XPO5: variants seen among roughly 807,000 people sequenced by gnomAD.
XPO5 encodes the protein exportin-5.
XPO5 carries 46 observed loss-of-function variants against 160.6 expected under a neutral mutation model. The observed-to-expected ratio is 0.29, with a 90% confidence interval of 0.23 to 0.37. The LOEUF (loss-of-function observed/expected upper bound fraction) is 0.37. XPO5 is among the 10% of genes least tolerant of loss of function. The pLI, the probability that XPO5 is intolerant of heterozygous loss-of-function variation, is 1.00. For synonymous variants in XPO5, 537 were observed against 519.3 expected (o/e 1.03, Z -0.46); for missense variants, 1,090 against 1,463.9 (o/e 0.74, Z 4.17).
rs373347390 is a variant in XPO5, at chr6:43,551,334, G to C, written c.1692C>G (p.Thr564=). The C allele has an allele frequency of 1.0e-4, 167 of 1,613,762 alleles. No homozygotes were observed. The highest frequency in any genetic ancestry group is 1.6e-4 in the Middle Eastern group (1 of 6,084). The change falls in exon 15 of 32, where the codon ACC becomes ACG. Residue 564 remains threonine (T), a synonymous_variant. Transcript: ENST00000265351. ...CCTGGGGCAGGAACTCTGGTCTGTA[G>C]GTGACAAATGGAAAGAGTGCAGAGA... ...TNVSALFPFV[T]YRPEFLPQVF...
chr6:43,539,349 C>T lies in XPO5; in HGVS notation c.2343-5342G>A, dbSNP rs1409617115. ...AACGCCTTGAACCTGGTGCGCTGGC[C>T]AGCACGGGTCTGCTTCTGCACTGGC... On this transcript the variant is annotated intron_variant, in intron 20 of 31. Transcript: ENST00000265351. 17 of 1,580,796 alleles carry T rather than the reference C, an allele frequency of 1.1e-5. No individual in the cohort carries two copies. In the East Asian group the frequency reaches 2.2e-4, roughly 21 times the overall value.
At chr6:43,572,679 A>G in intron 2 of XPO5, 101 bp from the exon 3 acceptor site, 1 of 1,232,182 alleles carries the variant, frequency 8.1e-7, no homozygotes, top group Non-Finnish European at 1.2e-6. Context: ...TGGAGATTTC[A>G]TTAAGAAATT....
In XPO5 at chr6:43,570,960, A is replaced by G; in HGVS notation, c.335T>C (p.Ile112Thr). Reference protein sequence around the residue: ...TLNILEEENHIKDALSRIVVE... With the variant: ...TLNILEEENHTKDALSRIVVE... Reference sequence around the variant, plus strand: ...TACAATTCGAGACAGAGCATCTTTAATATGGTTCTCCTCTTCCAAAATGTT... The same window carrying G: ...TACAATTCGAGACAGAGCATCTTTAGTATGGTTCTCCTCTTCCAAAATGTT... Residue 112 changes from isoleucine to threonine, a missense_variant, in exon 4 of 32, where the codon ATT becomes ACT. This residue lies in a region of XPO5 where 170 missense variants were observed against 227.0 expected (regional missense o/e 0.75). Coordinates refer to ENST00000265351, the MANE Select transcript of XPO5 (RefSeq NM_020750.3). 6.2e-7 allele frequency: 1 copy of G among 1,613,736 alleles called. No homozygotes were observed. Among genetic ancestry groups the G allele is most frequent in the Non-Finnish European group, 8.5e-7 (1 of 1,179,806 alleles).
intron 20 of XPO5, chr6:43,539,836 C>T (rs1482339303): frequency 1.3e-5 from 7 of 520,814 alleles, no homozygotes; most frequent in Admixed American, 7.4e-5. Flanking sequence ...GTTTTTTGGT[C>T]TAATTTAACT....
Position 43,534,016 on chromosome 6 carries a change from A to C in XPO5, c.2343-9T>G, listed in dbSNP as rs114918329. 5.1e-4 allele frequency: 811 copies of C among 1,590,120 alleles called. 4 individuals are homozygous for C. In the African/African-American group the frequency reaches 9.8e-3, roughly 19 times the overall value. ...ATAATGTATTGTGGGTTCTGAAAGAAACAAGAATGCTATTGAGCTTTTCCA... is the reference window on the plus strand; with the variant it reads ...ATAATGTATTGTGGGTTCTGAAAGACACAAGAATGCTATTGAGCTTTTCCA... On this transcript the variant is annotated splice_polypyrimidine_tract_variant and intron_variant, in intron 20 of 31. Coordinates refer to ENST00000265351, the MANE Select transcript of XPO5 (RefSeq NM_020750.3).
chr6:43,571,025 T>C (rs747512012), intron 3 of XPO5, 31 bp from the exon 4 acceptor site: 7 of 1,591,778 alleles, frequency 4.4e-6, no homozygotes, highest in South Asian at 1.1e-5. Context: ...TTAAGAGATA[T>C]GCAAGACTGG....
intron 1 of XPO5, among the ~76,000 whole-genome samples, chr6:43,573,973 G>C (rs1763154932): frequency 1.3e-5 from 2 of 151,572 alleles, no homozygotes; most frequent in Admixed American, 1.3e-4. Flanking sequence ...GGGACTACAA[G>C]TGCACGCCAC....
At position 43,533,814 on chromosome 6, in the gene XPO5, GAC is replaced by G. The variant is rs1362800986; in HGVS notation, c.2443+91_2443+92del. On this transcript the variant is annotated intron_variant, in intron 21 of 31. Transcript: ENST00000265351. ...TGCACCAGTGCACTCTAGCCTGGGT[GAC>G]AGAGACTATGACTCTTAAAAAACAA... The G allele has an allele frequency of 3.3e-6, 3 of 911,390 alleles. No homozygotes were observed. In the African/African-American group the frequency reaches 5.1e-5, roughly 15 times the overall value. The allele number at this position is 911,390 out of a possible 1,614,324, so 56.5% of individuals were successfully genotyped here.
At chr6:43,551,769 G>T (rs1425073857) in intron 14 of XPO5, among the ~76,000 whole-genome samples, 2 of 152,078 alleles carry the variant, frequency 1.3e-5, no homozygotes, top group African/African-American at 4.8e-5. Flanking sequence ...GGTTTCAAGT[G>T]ATCCTACGGC....
intron 20 of XPO5, among the ~76,000 whole-genome samples, chr6:43,539,886 T>C (rs368893653): frequency 6.6e-5 from 10 of 152,394 alleles, no homozygotes; most frequent in East Asian, 3.8e-4. Context: ...TCTCTTTAGG[T>C]TTTCTATCTT....
intron 7 of XPO5, among the ~76,000 whole-genome samples, chr6:43,566,807 C>G (rs1582244257): frequency 2.8e-5 from 3 of 106,040 alleles, no homozygotes; most frequent in Admixed American, 1.0e-4. Context: ...AAGACTGTTT[C>G]AATTAAAAAA....
rs1349684729 is a variant in XPO5, at chr6:43,576,010, C to T, written c.-146G>A. 2.1e-5 allele frequency: 14 copies of T among 679,796 alleles called. No individual in the cohort carries two copies. The highest frequency in any genetic ancestry group is 1.7e-4 in the African/African-American group (9 of 52,862). 42.1% of individuals were successfully genotyped at this position (679,796 alleles called of 1,614,324 possible). On this transcript the variant is annotated 5_prime_UTR_variant, in exon 1 of 32. Transcript: ENST00000265351. ...TGGAGGAGGAGCGTTAGCAGCAACT[C>T]GCGCTGGGAAGAAGCCGGCGCTGCG...
chr6:43,532,110 A>G (rs1794027924), intron 21 of XPO5, among the ~76,000 whole-genome samples: 5 of 152,226 alleles, frequency 3.3e-5, no homozygotes, highest in Non-Finnish European at 5.9e-5. Flanking sequence ...TTTCTATAGC[A>G]GGAGTTCCTG....
At chr6:43,536,240 C>T (rs533746068) in intron 20 of XPO5, among the ~76,000 whole-genome samples, 310 of 152,058 alleles carry the variant, frequency 2.0e-3, no homozygotes, top group Non-Finnish European at 3.8e-3. Context: ...CATGGTGAAA[C>T]CCTGTCTCTA....
chr6:43,536,758 TAAAAAAAAAAAAAAA>T (rs1156884252), intron 20 of XPO5, among the ~76,000 whole-genome samples: 10 of 19,086 alleles, frequency 5.2e-4, no homozygotes, highest in South Asian at 3.3e-3. Context: ...AGACTCTATC[TAAAAAAAAAAAAAAA>T]AAAAAAAAAA....
chr6:43,536,497 G>A (rs1487229135), intron 20 of XPO5, among the ~76,000 whole-genome samples: 2 of 151,584 alleles, frequency 1.3e-5, no homozygotes, highest in Non-Finnish European at 2.9e-5. Context: ...GGTGGCTTAT[G>A]CCTGTAATCC....
rs201099159 is a variant in XPO5 at position 43,568,734 on chromosome 6, T to A, written c.625A>T (p.Thr209Ser). ...ACCTTTGACTCCTGAGAAGTATCTGTCTTCTGAAAGGAAGTATAAAGATCC... is the reference window on the plus strand; with the variant it reads ...ACCTTTGACTCCTGAGAAGTATCTGACTTCTGAAAGGAAGTATAAAGATCC... ...ENVNKYQQVK[T>S]DTSQESKAQA... is the part of the protein sequence containing the mutation. The change falls in exon 6 of 32, where the codon ACA (threonine) becomes TCA (serine). Residue 209 changes from threonine (T) to serine (S), a missense_variant. By Grantham distance (58) the Thr-to-Ser change is moderately conservative. Transcript: ENST00000265351. The A allele has an allele frequency of 2.5e-5, 40 of 1,576,738 alleles. No homozygotes were observed. The Middle Eastern group carries it at 5.1e-4, about 20-fold the overall frequency.
In XPO5 at chr6:43,573,613, A is replaced by C; in HGVS notation, c.106-12T>G. On this transcript the variant is annotated splice_polypyrimidine_tract_variant and intron_variant, in intron 1 of 31. Coordinates refer to ENST00000265351, the MANE Select transcript of XPO5 (RefSeq NM_020750.3). The stretch of plus-strand genomic sequence containing the variant: ...AACTCCTCACAAAACTGAAAGAAGA[A>C]AAGTTAGTGTTTCCTTTCGAGGGCT... 6.2e-7 allele frequency: 1 copy of C among 1,609,936 alleles called. No individual in the cohort carries two copies.
intron 1 of XPO5, 31 bp from the exon 2 acceptor site, chr6:43,573,632 G>A (rs764946271): frequency 6.3e-6 from 10 of 1,597,002 alleles, no homozygotes; most frequent in Non-Finnish European, 7.7e-6. Context: ...GTTTCCTTTC[G>A]AGGGCTGAGA....
Sources: allele counts gnomAD v4.1 joint callset (sites outside exome capture counted in the v4.1 genomes callset), GRCh38; gene constraint gnomAD v4.1.1; regional missense constraint gnomAD v4.1.1; transcripts MANE v1.5; gene names NCBI Gene and HGNC (gene_info 2026-07-23, HGNC 2026-07-21).